The following JARID2 variants were observed in gnomAD, a reference collection of about 807,000 sequenced individuals.
The protein encoded by JARID2 is jumonji and AT-rich interaction domain containing 2, also known as protein Jumonji.
Under a neutral mutation model 125.6 loss-of-function variants are expected in JARID2, and 21 were observed. That is an observed-to-expected ratio of 0.17 (90% confidence interval 0.12 to 0.24). The LOEUF (loss-of-function observed/expected upper bound fraction) is 0.24, where lower values mean the gene tolerates loss of function less well. Among genes scored for constraint, JARID2 ranks in the 10% least tolerant of loss-of-function variants. The pLI is 1.00. For missense variants in JARID2, 1,303 were observed against 1,639.6 expected, an observed-to-expected ratio of 0.79 and a Z score of 3.55; for synonymous variants, 736 against 661.6, an observed-to-expected ratio of 1.11 and a Z score of -1.73.
Position 15,496,400 on chromosome 6 carries a change from C to G in JARID2, c.1175C>G (p.Ser392Cys), listed in dbSNP as rs1199541052. The change falls in exon 7 of 18, where the codon TCC (serine) becomes TGC (cysteine). Residue 392 changes from serine to cysteine, a missense_variant. This residue lies in a region of JARID2 where 651 missense variants were observed against 581.6 expected (regional missense o/e 1.12). Transcript: ENST00000341776. ...SNAKTRKQVL[S>C]LGGASKSTGP... ...GCAAAAACCCGCAAACAGGTGCTAT[C>G]CCTCGGGGGGGCGTCCAAGTCCACT... The G allele has an allele frequency of 6.2e-7, 1 of 1,613,916 alleles. No individual in the cohort carries two copies. Among genetic ancestry groups the G allele is most frequent in the Admixed American group, 1.7e-5 (1 of 60,010 alleles).
chr6:15,317,222 A>G (rs553288864), intron 1 of JARID2, among the ~76,000 whole-genome samples: 2 of 152,220 alleles, frequency 1.3e-5, no homozygotes, highest in African/African-American at 2.4e-5. Context: ...GGTAAGAAAT[A>G]GCTCTGAGGA....
chr6:15,472,498 A>T (rs1249933702), intron 5 of JARID2, among the ~76,000 whole-genome samples: 1 of 152,194 alleles, frequency 6.6e-6, no homozygotes, highest in Non-Finnish European at 1.5e-5. Context: ...ATCTGTGATT[A>T]GGCCTGCCCC....
At chr6:15,265,216 T>G (rs991606729) in intron 1 of JARID2, among the ~76,000 whole-genome samples, 17 of 152,128 alleles carry the variant, frequency 1.1e-4, no homozygotes, top group African/African-American at 3.6e-4. Flanking sequence ...TGGTTGTCCT[T>G]GTAATGTTGG....
intron 4 of JARID2, among the ~76,000 whole-genome samples, chr6:15,452,554 A>C (rs1378565085): frequency 2.0e-5 from 3 of 152,146 alleles, no homozygotes; most frequent in East Asian, 1.9e-4. Context: ...TGGGGCTGTG[A>C]AGGCCCCTTT....
chr6:15,349,675 C>G (rs575118574), intron 1 of JARID2, among the ~76,000 whole-genome samples: 1 of 152,244 alleles, frequency 6.6e-6, no homozygotes, highest in East Asian at 1.9e-4. Flanking sequence ...AAAACCAGAG[C>G]AGAAACACCG....
intron 3 of JARID2, among the ~76,000 whole-genome samples, chr6:15,436,769 G>C (rs1767222713): frequency 6.6e-6 from 1 of 151,894 alleles, no homozygotes. Flanking sequence ...AATCTTTTCT[G>C]TTTCTAGTGG....
At chr6:15,420,393 A>T (rs1255531051) in intron 3 of JARID2, among the ~76,000 whole-genome samples, 26 of 126,410 alleles carry the variant, frequency 2.1e-4, no homozygotes, top group African/African-American at 7.0e-4. Flanking sequence ...ACAGAGCAAG[A>T]CTCCATAAAA....
chr6:15,358,430 A>G (rs571648772), intron 1 of JARID2, among the ~76,000 whole-genome samples: 1 of 152,292 alleles, frequency 6.6e-6, no homozygotes, highest in South Asian at 2.1e-4. Flanking sequence ...GTACTAACAC[A>G]CTGTTTTTGT....
chr6:15,505,852 C>G (rs368277276), intron 9 of JARID2, among the ~76,000 whole-genome samples: 1 of 152,244 alleles, frequency 6.6e-6, no homozygotes, highest in South Asian at 2.1e-4. Flanking sequence ...TTCCAGAGCA[C>G]GCGTTGCGTT....
chr6:15,444,424 G>A (rs915193143), intron 3 of JARID2, among the ~76,000 whole-genome samples: 2 of 152,086 alleles, frequency 1.3e-5, no homozygotes, highest in African/African-American at 2.4e-5. Flanking sequence ...GCTCGCAACC[G>A]CACTTGCATT....
chr6:15,504,409 A>G (rs746363560), intron 8 of JARID2, 91 bp from the exon 9 acceptor site: 1 of 900,488 alleles, frequency 1.1e-6, no homozygotes, highest in Admixed American at 1.8e-5. Flanking sequence ...AGGGACGCCA[A>G]GGGGCAGCGG....
At chr6:15,398,988 G>C (rs568594066) in intron 2 of JARID2, among the ~76,000 whole-genome samples, 3 of 152,290 alleles carry the variant, frequency 2.0e-5, no homozygotes, top group East Asian at 3.9e-4. Flanking sequence ...GGGTGCTGTT[G>C]ATCATTGAAG....
chr6:15,346,559 G>A (rs908273683), intron 1 of JARID2, among the ~76,000 whole-genome samples: 3 of 151,778 alleles, frequency 2.0e-5, no homozygotes, highest in African/African-American at 7.3e-5. Context: ...CTGCCTTTAC[G>A]CGTTTGGTTG....
intron 3 of JARID2, 96 bp downstream of exon 3, chr6:15,410,461 C>G: frequency 8.1e-7 from 1 of 1,227,780 alleles, no homozygotes; most frequent in Non-Finnish European, 1.2e-6. Flanking sequence ...CCCATTCACC[C>G]AATCTCTTGA....
intron 1 of JARID2, among the ~76,000 whole-genome samples, chr6:15,310,738 T>C (rs990927057): frequency 1.3e-5 from 2 of 152,216 alleles, no homozygotes; most frequent in Admixed American, 6.5e-5. Flanking sequence ...CTTGGCTCTT[T>C]GGTGGCCCAG....
intron 1 of JARID2, among the ~76,000 whole-genome samples, chr6:15,278,652 TAG>T: frequency 6.6e-6 from 1 of 152,246 alleles, no homozygotes; most frequent in African/African-American, 2.4e-5. Context: ...GAAAATAGTG[TAG>T]CTGGCTGGTA....
At chr6:15,303,239 A>G (rs569206747) in intron 1 of JARID2, among the ~76,000 whole-genome samples, 2 of 152,344 alleles carry the variant, frequency 1.3e-5, no homozygotes, top group South Asian at 2.1e-4. Context: ...CATTCATCCT[A>G]TAGGTAGCGC....
In JARID2 at chr6:15,520,350, G is replaced by A. The variant is rs1434500833; in HGVS notation, c.*99G>A. The stretch of plus-strand genomic sequence containing the variant: ...TAGGATTCAAGCTGTCTTTGCACTA[G>A]CTCTAAAGAAGATTTTCTTCTGGTT... On this transcript the variant is annotated 3_prime_UTR_variant, in exon 18 of 18. Transcript: ENST00000341776. 5 of 872,978 alleles carry A rather than the reference G, an allele frequency of 5.7e-6. No homozygotes were observed. The highest frequency in any genetic ancestry group is 8.3e-6 in the Non-Finnish European group (5 of 605,884). The allele number at this position is 872,978 out of a possible 1,614,324, so 54.1% of individuals were successfully genotyped here.
chr6:15,466,498 AC>A (rs528785073), intron 4 of JARID2, among the ~76,000 whole-genome samples: 51 of 152,366 alleles, frequency 3.3e-4, no homozygotes, highest in Admixed American at 1.4e-3. Flanking sequence ...TCTAAAACTT[AC>A]AAGTTCTCTC....
Sources: gnomAD v4.1 joint callset for allele counts (sites outside exome capture counted in the v4.1 genomes callset) on GRCh38, gnomAD v4.1.1 for gene constraint, gnomAD v4.1.1 regional missense constraint, MANE v1.5 for transcripts, NCBI Gene and HGNC (gene_info 2026-07-23, HGNC 2026-07-21) for gene names.